Variants in USPL1 observed in about 807,000 individuals in gnomAD.
USPL1 encodes SUMO-specific isopeptidase USPL1.
Under a neutral mutation model 51.5 loss-of-function variants are expected in USPL1, and 27 were observed. That is an observed-to-expected ratio of 0.52 (90% CI 0.39 to 0.72). The LOEUF is 0.72. Among genes scored for constraint, USPL1 ranks in the 30% least tolerant of loss-of-function variants. The pLI is 0.00. For missense variants in USPL1, 1,226 were observed against 1,268.0 expected (o/e 0.97, Z 0.50); for synonymous variants, 451 against 459.6 (o/e 0.98, Z 0.24).
chr13:30,621,602 A>C (rs1950647694), intron 2 of USPL1, among the ~76,000 whole-genome samples, 162 bp from the exon 3 acceptor site: 1 of 152,120 alleles, frequency 6.6e-6, no homozygotes, highest in Non-Finnish European at 1.5e-5. Context: ...CTGTATTTAA[A>C]GGCTTATATG....
intron 6 of USPL1, among the ~76,000 whole-genome samples, chr13:30,645,957 C>T (rs1951012498): frequency 6.6e-6 from 1 of 152,194 alleles, no homozygotes; most frequent in Non-Finnish European, 1.5e-5. Flanking sequence ...AGACAGTCTC[C>T]TTTTTATAAA....
rs1566058675 is a variant in USPL1 at position 30,650,760 on chromosome 13, C to T, written c.1239-2388C>T. ...CTGTAATCACTTTGGGAGGCCAAGG[C>T]GGGTGGATTACCTAAGGTCAGGAGT... On this transcript the variant is annotated intron_variant, in intron 7 of 8. Coordinates refer to ENST00000255304, the MANE Select transcript of USPL1 (RefSeq NM_005800.5). Among the ~76,000 whole-genome samples, 2 of 151,994 alleles carry T rather than the reference C, an allele frequency of 1.3e-5. 1 individual carries two copies. The highest frequency in any genetic ancestry group is 4.2e-4 in the South Asian group (2 of 4,798).
rs1410535722 is a variant in USPL1 at position 30,658,966 on chromosome 13, C to T, written c.2889C>T (p.Tyr963=). 6.2e-7 allele frequency: 1 copy of T among 1,614,192 alleles called. No individual in the cohort carries two copies. The highest frequency in any genetic ancestry group is 8.5e-7 in the Non-Finnish European group (1 of 1,180,042). ...ACTTVPGVSL[Y]SSQTHEEILA... is the part of the protein sequence containing the mutation. ...CCACTGTTCCTGGTGTTTCCCTGTA[C>T]AGTAGTCAAACTCATGAAGAAATTT... Residue 963 remains tyrosine (Y), a synonymous_variant, in exon 9 of 9, where the codon TAC becomes TAT. Coordinates refer to ENST00000255304, the MANE Select transcript of USPL1 (RefSeq NM_005800.5).
In USPL1 at chr13:30,658,393, A is replaced by G. The variant is rs2137733288; in HGVS notation, c.2316A>G (p.Pro772=). 1.2e-6 allele frequency: 2 copies of G among 1,613,662 alleles called. No individual in the cohort carries two copies. The highest frequency in any genetic ancestry group is 1.1e-5 in the South Asian group (1 of 91,062). ...GLISRGASFM[P]LCVSAHNRNT... ...TAAGCAGGGGTGCTTCTTTTATGCC[A>G]CTCTGTGTTTCAGCTCATAATAGAA... The change falls in exon 9 of 9, where the codon CCA becomes CCG. Residue 772 remains proline (P), a synonymous_variant. Transcript: ENST00000255304.
chr13:30,620,039 T>C (rs958279521), intron 1 of USPL1, among the ~76,000 whole-genome samples: 6 of 152,232 alleles, frequency 3.9e-5, no homozygotes, highest in East Asian at 1.9e-4. Flanking sequence ...TTCTGTCTTA[T>C]GGTTATTTCT....
In USPL1 at chr13:30,659,504, C is replaced by A; in HGVS notation, c.*148C>A. ...GCAAGGTTTAACCTTTGGTTCTGCC[C>A]ATGAAGCATGTAATCTTTCTTACAC... is the stretch of plus-strand genomic sequence containing the variant. On this transcript the variant is annotated 3_prime_UTR_variant, in exon 9 of 9. Coordinates refer to ENST00000255304, the MANE Select transcript of USPL1 (RefSeq NM_005800.5). 1 of 669,472 alleles carries A rather than the reference C, an allele frequency of 1.5e-6. No individual in the cohort carries two copies. The highest frequency in any genetic ancestry group is 2.4e-6 in the Non-Finnish European group (1 of 424,760). 41.5% of individuals were successfully genotyped at this position (669,472 alleles called of 1,614,324 possible). A position where few individuals can be genotyped will look rare whatever the true frequency, so the allele number is the denominator to read the frequency against.
At chr13:30,654,398 C>T (rs527704039) in intron 8 of USPL1, among the ~76,000 whole-genome samples, 1 of 151,344 alleles carries the variant, frequency 6.6e-6, no homozygotes, top group South Asian at 2.1e-4. Flanking sequence ...CATTCCTTCT[C>T]TCTCTCTCTT....
At position 30,657,961 on chromosome 13, in the gene USPL1, A is replaced by G. The variant is rs1484300652; in HGVS notation, c.1884A>G (p.Gln628=). The G allele has an allele frequency of 5.0e-6, 8 of 1,613,684 alleles. No homozygotes were observed. The highest frequency in any genetic ancestry group is 5.1e-6 in the Non-Finnish European group (6 of 1,180,044). The part of the protein sequence containing the change: ...GILKTNTLLS[Q]ESLMASSVSA... Reference sequence around the variant, plus strand: ...TCAAAACCAATACTTTGCTATCACAAGAATCACTAATGGCTTCTTCAGTAT... The same window carrying G: ...TCAAAACCAATACTTTGCTATCACAGGAATCACTAATGGCTTCTTCAGTAT... Residue 628 remains glutamine (Q), a synonymous_variant, in exon 9 of 9, where the codon CAA becomes CAG. Coordinates refer to ENST00000255304, the MANE Select transcript of USPL1 (RefSeq NM_005800.5).
Position 30,658,715 on chromosome 13 carries a change from T to C in USPL1, c.2638T>C (p.Leu880=), listed in dbSNP as rs1951208545. The stretch of plus-strand genomic sequence containing the variant: ...TATTTCTTCAGCAAACCATGAAGAC[T>C]TGGTGGAAGGTCAGATTCATAAACT... The part of the protein sequence containing the change: ...NGISSANHED[L]VEGQIHKLRL... The change falls in exon 9 of 9, where the codon TTG becomes CTG. Residue 880 remains leucine (L), a synonymous_variant. Transcript: ENST00000255304. The C allele has an allele frequency of 6.2e-7, 1 of 1,614,092 alleles. No individual in the cohort carries two copies. Among genetic ancestry groups the C allele is most frequent in the African/African-American group, 1.3e-5 (1 of 74,926 alleles).
intron 7 of USPL1, among the ~76,000 whole-genome samples, chr13:30,651,064 C>T (rs557386767): frequency 1.3e-5 from 2 of 152,050 alleles, no homozygotes; most frequent in Admixed American, 6.5e-5. Flanking sequence ...CCGAGATTTT[C>T]GACATGGTAG....
intron 8 of USPL1, among the ~76,000 whole-genome samples, chr13:30,653,655 C>T (rs55715714): frequency 0.04 from 6,040 of 152,054 alleles, 165 homozygotes; most frequent in South Asian, 0.1. Flanking sequence ...GACTATTAAA[C>T]ATTAGACTTA....
At chr13:30,645,363 C>T (rs1200766686) in intron 6 of USPL1, among the ~76,000 whole-genome samples, 1 of 152,130 alleles carries the variant, frequency 6.6e-6, no homozygotes. Context: ...TAATAGAGGT[C>T]CAGTGACTTC....
chr13:30,659,573 T>C lies in USPL1; in HGVS notation c.*217T>C. On this transcript the variant is annotated 3_prime_UTR_variant, in exon 9 of 9. Transcript: ENST00000255304. ...GTTCTCCTTTTTGGTTTCATTTTGTTCTTGTGAGAGTATGAGGATTTCAAA... is the reference window on the plus strand; with the variant it reads ...GTTCTCCTTTTTGGTTTCATTTTGTCCTTGTGAGAGTATGAGGATTTCAAA... The C allele has an allele frequency of 2.2e-6, 1 of 455,886 alleles. No homozygotes were observed. Among genetic ancestry groups the C allele is most frequent in the Non-Finnish European group, 3.8e-6 (1 of 265,168 alleles). 28.2% of individuals were successfully genotyped at this position (455,886 alleles called of 1,614,324 possible).
intron 4 of USPL1, among the ~76,000 whole-genome samples, chr13:30,631,888 G>T (rs2137638647): frequency 6.6e-6 from 1 of 152,284 alleles, no homozygotes; most frequent in Middle Eastern, 3.4e-3. Context: ...AGGCCTGGGA[G>T]CAAGGAGCCC....
chr13:30,632,249 A>C (rs1360450829), intron 4 of USPL1, among the ~76,000 whole-genome samples: 1 of 151,872 alleles, frequency 6.6e-6, no homozygotes, highest in Non-Finnish European at 1.5e-5. Flanking sequence ...GTTTGCTGAG[A>C]ATGATGGTTT....
intron 4 of USPL1, among the ~76,000 whole-genome samples, chr13:30,632,485 C>T (rs1333860940): frequency 6.9e-6 from 1 of 145,910 alleles, no homozygotes; most frequent in Non-Finnish European, 1.5e-5. Context: ...ATGATCTCAG[C>T]TCACTGCAAC....
At chr13:30,619,931 T>TA in intron 1 of USPL1, among the ~76,000 whole-genome samples, 1 of 152,068 alleles carries the variant, frequency 6.6e-6, no homozygotes, top group East Asian at 1.9e-4. Flanking sequence ...ATCTAGAGGG[T>TA]AAAGGTCAGT....
chr13:30,624,774 A>G (rs1209467502), intron 3 of USPL1, among the ~76,000 whole-genome samples: 7 of 152,264 alleles, frequency 4.6e-5, no homozygotes, highest in Non-Finnish European at 1.0e-4. Flanking sequence ...CACAGAAAAT[A>G]CATCATGAAA....
At position 30,658,362 on chromosome 13, in the gene USPL1, G is replaced by T; in HGVS notation, c.2285G>T (p.Gly762Val). The T allele has an allele frequency of 6.2e-7, 1 of 1,613,748 alleles. No homozygotes were observed. Among genetic ancestry groups the T allele is most frequent in the East Asian group, 2.2e-5 (1 of 44,892 alleles). Residue 762 changes from glycine to valine, a missense_variant, in exon 9 of 9, where the codon GGC (glycine) becomes GTC (valine). Gly to Val is a moderately radical substitution (Grantham distance 109). Coordinates refer to ENST00000255304, the MANE Select transcript of USPL1 (RefSeq NM_005800.5). ...CCATTTGTGGGAAGTTGGGTTAAAG[G>T]CTTAATAAGCAGGGGTGCTTCTTTT... ...KKPFVGSWVK[G>V]LISRGASFMP...
Sources: allele counts gnomAD v4.1 joint callset (sites outside exome capture counted in the v4.1 genomes callset), GRCh38; gene constraint gnomAD v4.1.1; transcripts MANE v1.5; gene names NCBI Gene and HGNC (gene_info 2026-07-23, HGNC 2026-07-21).